FOXP1: variants seen among roughly 807,000 people sequenced by gnomAD.
FOXP1 encodes the protein forkhead box protein P1.
Under a neutral mutation model 98.2 loss-of-function variants are expected in FOXP1, and 15 were observed. That is an observed-to-expected ratio of 0.15 (90% CI 0.10 to 0.24). The LOEUF is 0.24. FOXP1 is among the 10% of genes least tolerant of loss of function. FOXP1 has a pLI of 1.00. For missense variants in FOXP1, 633 were observed against 848.5 expected (o/e 0.75, Z 3.15); for synonymous variants, 371 against 314.5 (o/e 1.18, Z -1.90).
chr3:71,438,576 A>G (rs535201272), intron 3 of FOXP1, among the ~76,000 whole-genome samples: 49 of 152,066 alleles, frequency 3.2e-4, no homozygotes, highest in African/African-American at 1.1e-3. Flanking sequence ...CCACTCACAT[A>G]ATTTTGGTCT....
chr3:71,247,592 G>A (rs1367439365), intron 5 of FOXP1, among the ~76,000 whole-genome samples: 1 of 152,234 alleles, frequency 6.6e-6, no homozygotes, highest in East Asian at 1.9e-4. Flanking sequence ...CACCAGGCAG[G>A]AGATTTTCTC....
chr3:71,164,256 G>A (rs2061293192), intron 6 of FOXP1, among the ~76,000 whole-genome samples: 1 of 152,008 alleles, frequency 6.6e-6, no homozygotes, highest in South Asian at 2.1e-4. Context: ...CTGGAGTGCA[G>A]TGGCGCAATC....
At chr3:71,281,604 T>C (rs547470053) in intron 5 of FOXP1, among the ~76,000 whole-genome samples, 2 of 152,218 alleles carry the variant, frequency 1.3e-5, no homozygotes, top group Non-Finnish European at 2.9e-5. Flanking sequence ...AGCCTAATGC[T>C]CTTTTAATGC....
chr3:71,289,497 G>A (rs1182400676), intron 5 of FOXP1: 1 of 150,530 alleles, frequency 6.6e-6, no homozygotes, highest in Non-Finnish European at 1.5e-5. Context: ...GGAACTACAG[G>A]TGTGAGCCCC....
intron 4 of FOXP1, among the ~76,000 whole-genome samples, chr3:71,327,447 G>A (rs1012327949): frequency 2.9e-5 from 4 of 138,408 alleles, no homozygotes; most frequent in African/African-American, 1.1e-4. Context: ...GAGTGCAGTG[G>A]TGCGATCTCA....
chr3:71,108,750 G>A (rs1250925478), intron 7 of FOXP1, among the ~76,000 whole-genome samples: 2 of 152,136 alleles, frequency 1.3e-5, no homozygotes, highest in African/African-American at 4.8e-5. Flanking sequence ...GGATGAAAGA[G>A]CAAGACTCCA....
At chr3:71,029,369 CTA>C (rs1449936046) in intron 11 of FOXP1, among the ~76,000 whole-genome samples, 3 of 152,026 alleles carry the variant, frequency 2.0e-5, no homozygotes, top group Non-Finnish European at 4.4e-5. Flanking sequence ...CATACACACA[CTA>C]TGATGTTCCA....
intron 7 of FOXP1, among the ~76,000 whole-genome samples, chr3:71,069,821 G>A (rs936920642): frequency 4.6e-5 from 7 of 152,198 alleles, no homozygotes; most frequent in African/African-American, 1.7e-4. Context: ...GTTTACTTAT[G>A]TAGAAATCGC....
intron 4 of FOXP1, among the ~76,000 whole-genome samples, chr3:71,339,536 C>T (rs1342538500): frequency 1.3e-5 from 2 of 152,228 alleles, no homozygotes; most frequent in African/African-American, 2.4e-5. Flanking sequence ...CATTCTTACT[C>T]TCAATTAGTT....
intron 4 of FOXP1, among the ~76,000 whole-genome samples, chr3:71,305,308 G>A (rs1237856836): frequency 5.3e-5 from 8 of 152,236 alleles, no homozygotes; most frequent in East Asian, 1.9e-4. Context: ...CTCCTCCACC[G>A]TGGGGCCAAG....
At chr3:71,001,151 G>A (rs536469016) in intron 12 of FOXP1, 92 bp from the exon 13 acceptor site, 20 of 943,590 alleles carry the variant, frequency 2.1e-5, no homozygotes, top group South Asian at 6.7e-5. Flanking sequence ...ACTAGGCAGC[G>A]GGTCTAGCTC....
intron 7 of FOXP1, among the ~76,000 whole-genome samples, chr3:71,070,363 G>T (rs1041127857): frequency 6.6e-6 from 1 of 152,138 alleles, no homozygotes; most frequent in African/African-American, 2.4e-5. Flanking sequence ...TCACTCTCCG[G>T]GGAGAGCATG....
At chr3:70,974,518 T>TG (rs1365456007) in intron 17 of FOXP1, among the ~76,000 whole-genome samples, 1 of 152,160 alleles carries the variant, frequency 6.6e-6, no homozygotes, top group Non-Finnish European at 1.5e-5. Context: ...AGGCTGATCT[T>TG]GAACTCCTGG....
intron 2 of FOXP1, among the ~76,000 whole-genome samples, chr3:71,568,175 G>A (rs1322040734): frequency 6.6e-6 from 1 of 152,106 alleles, no homozygotes; most frequent in Non-Finnish European, 1.5e-5. Flanking sequence ...CTTGCAGAAG[G>A]CCTGCAGAGA....
chr3:71,328,990 C>CAAAAAA (rs56332143), intron 4 of FOXP1, among the ~76,000 whole-genome samples: 1 of 59,026 alleles, frequency 1.7e-5, no homozygotes, highest in Non-Finnish European at 3.6e-5. Context: ...AAAAAAAAAA[C>CAAAAAA]AAAAAAAAAA....
chr3:70,956,733 T>C lies in FOXP1; in HGVS notation c.*2514A>G, dbSNP rs1027688703. 2 of 15,446 alleles carry C rather than the reference T, an allele frequency of 1.3e-4. No homozygotes were observed. Among genetic ancestry groups the C allele is most frequent in the Non-Finnish European group, 2.4e-4 (2 of 8,382 alleles). The allele number at this position is 15,446 out of a possible 1,614,324, so 1.0% of individuals were successfully genotyped here. A position where few individuals can be genotyped will look rare whatever the true frequency, so the allele number is the denominator to read the frequency against. The stretch of plus-strand genomic sequence containing the variant: ...CACATCATGAAGCTGCCTGGAAAAG[T>C]TTTTTTTTTTTTTTTTTTTTTTTTT... On this transcript the variant is annotated 3_prime_UTR_variant, in exon 21 of 21. Coordinates refer to ENST00000649528, the MANE Select transcript of FOXP1 (RefSeq NM_001349338.3).
intron 3 of FOXP1, among the ~76,000 whole-genome samples, chr3:71,427,189 G>A (rs1360740977): frequency 2.6e-5 from 4 of 151,746 alleles, no homozygotes; most frequent in Admixed American, 2.6e-4. Context: ...AGGAATCGCA[G>A]CTGTTTGGGT....
At chr3:71,538,355 A>C (rs2044477709) in intron 2 of FOXP1, among the ~76,000 whole-genome samples, 1 of 152,140 alleles carries the variant, frequency 6.6e-6, no homozygotes, top group African/African-American at 2.4e-5. Flanking sequence ...TGCAACTACA[A>C]ATCTACTTTG....
chr3:71,155,478 G>T (rs984574119), intron 6 of FOXP1, among the ~76,000 whole-genome samples: 1 of 152,110 alleles, frequency 6.6e-6, no homozygotes, highest in Non-Finnish European at 1.5e-5. Context: ...AATCCAGTTT[G>T]TATTTTCCAC....
Sources: gnomAD v4.1 joint callset for allele counts (sites outside exome capture counted in the v4.1 genomes callset) on GRCh38, gnomAD v4.1.1 for gene constraint, MANE v1.5 for transcripts, NCBI Gene and HGNC (gene_info 2026-07-23, HGNC 2026-07-21) for gene names.